MAD1L1: variants seen among roughly 807,000 people sequenced by gnomAD.
MAD1L1 encodes mitotic spindle assembly checkpoint protein MAD1.
MAD1L1 carries 95 observed loss-of-function variants against 96.9 expected under a neutral mutation model. The ratio of observed to expected loss-of-function variants is 0.98; its 90% CI spans 0.83 to 1.16. MAD1L1 has a LOEUF of 1.16. Ranked by LOEUF, MAD1L1 falls within the 50% of genes most tolerant of loss-of-function variation. The pLI is 0.00. For synonymous variants in MAD1L1, 473 were observed against 396.6 expected (o/e 1.19, Z -2.29); for missense variants, 1,007 against 954.4 (o/e 1.06, Z -0.73).
chr7:2,221,421 G>A (rs887915824), intron 5 of MAD1L1, among the ~76,000 whole-genome samples: 2 of 151,924 alleles, frequency 1.3e-5, no homozygotes, highest in African/African-American at 4.8e-5. Flanking sequence ...GCCTGAACAC[G>A]CCTCCCCAGC....
At chr7:1,906,949 C>T (rs1417484375) in intron 17 of MAD1L1, among the ~76,000 whole-genome samples, 1 of 152,250 alleles carries the variant, frequency 6.6e-6, no homozygotes, top group African/African-American at 2.4e-5. Flanking sequence ...CCTGAACATA[C>T]AGCCTTCCCA....
At position 1,977,445 on chromosome 7, in the gene MAD1L1, C is replaced by T. The variant is rs553591483; in HGVS notation, c.1505+3008G>A. 3.9e-5 allele frequency among the ~76,000 whole-genome samples: 6 copies of T among 152,364 alleles called. No individual in the cohort carries two copies. In the East Asian group the frequency reaches 5.8e-4, roughly 15 times the overall value. The stretch of plus-strand genomic sequence containing the variant: ...GCCAAGCCCACGCCCACCCAGAACT[C>T]GCACTGGCCTGTGAGCACCACGCAC... On this transcript the variant is annotated intron_variant, in intron 15 of 18. Transcript: ENST00000265854.
intron 18 of MAD1L1, among the ~76,000 whole-genome samples, chr7:1,835,913 A>C (rs1250851000): frequency 3.3e-5 from 5 of 152,220 alleles, no homozygotes; most frequent in Admixed American, 2.0e-4. Flanking sequence ...GAAATTCCTG[A>C]CATTGCCATG....
rs1789281957 is a variant in MAD1L1, at chr7:2,146,040, T to C, written c.1073+3112A>G. Among the ~76,000 whole-genome samples, 1 of 152,114 alleles carries C rather than the reference T, an allele frequency of 6.6e-6. No individual in the cohort carries two copies. Among genetic ancestry groups the C allele is most frequent in the Non-Finnish European group, 1.5e-5 (1 of 68,012 alleles). ...AGTTACACAACACCCAGGAAGTGCATCAAGACTGCGTGGTGTAGGCTGCTC... is the reference window on the plus strand; with the variant it reads ...AGTTACACAACACCCAGGAAGTGCACCAAGACTGCGTGGTGTAGGCTGCTC... On this transcript the variant is annotated intron_variant, in intron 11 of 18. Transcript: ENST00000265854. The surrounding 1 kb of genome is among the most constrained non-coding windows in gnomAD (Gnocchi z 6.2).
intron 12 of MAD1L1, among the ~76,000 whole-genome samples, chr7:2,027,458 C>T (rs1208980255): frequency 1.3e-5 from 2 of 152,184 alleles, no homozygotes; most frequent in African/African-American, 2.4e-5. Flanking sequence ...CCCTAATTAA[C>T]GTACTGGCAA....
chr7:2,140,110 T>A (rs1331867064), intron 11 of MAD1L1, among the ~76,000 whole-genome samples: 2 of 152,052 alleles, frequency 1.3e-5, no homozygotes, highest in South Asian at 4.2e-4. Context: ...TGACCTGTGC[T>A]TGGCTCAAGA....
chr7:2,082,126 C>A (rs542102390), intron 11 of MAD1L1, among the ~76,000 whole-genome samples: 117 of 151,932 alleles, frequency 7.7e-4, no homozygotes, highest in African/African-American at 2.7e-3. Flanking sequence ...AACAAGCTCC[C>A]GGGAACACCT....
At chr7:2,029,959 C>A (rs1268485458) in intron 12 of MAD1L1, among the ~76,000 whole-genome samples, 2 of 152,152 alleles carry the variant, frequency 1.3e-5, no homozygotes, top group African/African-American at 4.8e-5. Flanking sequence ...TCCCTAGCGC[C>A]CAGACACGAG....
At chr7:2,036,414 C>G (rs146608905) in intron 12 of MAD1L1, among the ~76,000 whole-genome samples, 1 of 152,200 alleles carries the variant, frequency 6.6e-6, no homozygotes, top group Non-Finnish European at 1.5e-5. Flanking sequence ...CACCTCCGTG[C>G]GGGGAACCAG....
chr7:1,902,586 G>A (rs1394750841), intron 17 of MAD1L1, among the ~76,000 whole-genome samples: 2 of 152,260 alleles, frequency 1.3e-5, no homozygotes, highest in Non-Finnish European at 2.9e-5. Flanking sequence ...CAGCCCCAGG[G>A]CACTGCCTGT....
At position 2,164,989 on chromosome 7, in the gene MAD1L1, G is replaced by T. The variant is rs1400565841; in HGVS notation, c.987-15751C>A. ...GTTGACCCGGGAGGGCCAGGAAAGGGCTCTAGCTAGGGAAAGGTGACACCT... is the reference window on the plus strand; with the variant it reads ...GTTGACCCGGGAGGGCCAGGAAAGGTCTCTAGCTAGGGAAAGGTGACACCT... On this transcript the variant is annotated intron_variant, in intron 10 of 18. Transcript: ENST00000265854. Among the ~76,000 whole-genome samples, 7 of 152,174 alleles carry T rather than the reference G, an allele frequency of 4.6e-5. No homozygotes were observed. In the East Asian group the frequency reaches 1.3e-3, roughly 29 times the overall value.
intron 16 of MAD1L1, among the ~76,000 whole-genome samples, chr7:1,950,779 C>T (rs1358722472): frequency 6.6e-6 from 1 of 152,236 alleles, no homozygotes; most frequent in Non-Finnish European, 1.5e-5. Flanking sequence ...GAGCAGCACA[C>T]GTGGGCAAGT....
intron 11 of MAD1L1, among the ~76,000 whole-genome samples, chr7:2,070,212 C>T (rs1785058833): frequency 6.6e-6 from 1 of 152,240 alleles, no homozygotes; most frequent in African/African-American, 2.4e-5. Context: ...GGACAAATGA[C>T]AGCGTCCACT....
chr7:1,924,343 C>T (rs1213991568), intron 17 of MAD1L1, among the ~76,000 whole-genome samples: 1 of 152,236 alleles, frequency 6.6e-6, no homozygotes, highest in East Asian at 1.9e-4. Flanking sequence ...CCTTCCCGTC[C>T]TTTAACTTAA....
chr7:1,874,478 G>A, intron 18 of MAD1L1: 1 of 453,408 alleles, frequency 2.2e-6, no homozygotes, highest in Non-Finnish European at 4.4e-6. Flanking sequence ...AGAGGAGGCG[G>A]AGGGCTGACC....
chr7:2,128,888 G>C (rs912817605), intron 11 of MAD1L1, among the ~76,000 whole-genome samples: 1 of 152,196 alleles, frequency 6.6e-6, no homozygotes, highest in African/African-American at 2.4e-5. Flanking sequence ...CACACCTTCA[G>C]GCTTCCCACG....
chr7:2,140,873 G>A (rs60907725), intron 11 of MAD1L1, among the ~76,000 whole-genome samples: 2,540 of 152,308 alleles, frequency 0.017, 68 homozygotes, highest in African/African-American at 0.058. Context: ...TTGAATAAAA[G>A]GGGGAGTTTC....
intron 16 of MAD1L1, among the ~76,000 whole-genome samples, chr7:1,943,525 G>A (rs1307321256): frequency 6.6e-6 from 1 of 152,120 alleles, no homozygotes; most frequent in East Asian, 1.9e-4. Context: ...AAAGCTGCTC[G>A]GCATCATCCG....
At chr7:2,036,938 ACACTCCTCCCAGGGCTCCTCCAG>A (rs1403387320) in intron 12 of MAD1L1, among the ~76,000 whole-genome samples, 2 of 151,982 alleles carry the variant, frequency 1.3e-5, no homozygotes, top group African/African-American at 2.4e-5. Context: ...CGCCTCCTGA[ACACTCCTCCCAGGGCTCCTCCAG>A]CACTCCTCCC....
Sources: gnomAD v4.1 joint callset for allele counts (sites outside exome capture counted in the v4.1 genomes callset) on GRCh38, gnomAD v4.1.1 for gene constraint, Gnocchi (gnomAD v3.1) non-coding constraint, MANE v1.5 for transcripts, NCBI Gene and HGNC (gene_info 2026-07-23, HGNC 2026-07-21) for gene names.